GPR158: variants seen among roughly 807,000 people sequenced by gnomAD.
GPR158 encodes the protein G protein-coupled receptor 158.
Under a neutral mutation model 78.2 loss-of-function variants are expected in GPR158, and 30 were observed. The ratio of observed to expected loss-of-function variants is 0.38; its 90% CI spans 0.29 to 0.52. The LOEUF (loss-of-function observed/expected upper bound fraction) is 0.52, where lower values mean the gene tolerates loss of function less well. Among genes scored for constraint, GPR158 ranks in the 20% least tolerant of loss-of-function variants. The probability of loss-of-function intolerance (pLI) is 0.83; values close to 1 mark genes in which losing one functional copy is unlikely to be tolerated. For missense variants in GPR158, 1,463 were observed against 1,523.5 expected (o/e 0.96, Z 0.66); for synonymous variants, 581 against 591.1 (o/e 0.98, Z 0.25).
intron 2 of GPR158, among the ~76,000 whole-genome samples, chr10:25,272,331 A>T (rs1270916225): frequency 1.3e-5 from 2 of 152,186 alleles, no homozygotes; most frequent in African/African-American, 4.8e-5. Context: ...TTCTTAATGA[A>T]AGAAAATTTT....
intron 2 of GPR158, among the ~76,000 whole-genome samples, chr10:25,260,491 T>G (rs151274470): frequency 6.0e-4 from 91 of 152,214 alleles, no homozygotes; most frequent in African/African-American, 2.0e-3. Flanking sequence ...TTAATATGAA[T>G]TTTTACATAT....
intron 2 of GPR158, among the ~76,000 whole-genome samples, chr10:25,374,259 T>TA (rs1482459932): frequency 1.3e-5 from 2 of 151,442 alleles, no homozygotes; most frequent in South Asian, 2.1e-4. Flanking sequence ...TAGTTTTTTT[T>TA]ATAATAATTA....
chr10:25,564,191 A>G (rs1178015826), intron 6 of GPR158, among the ~76,000 whole-genome samples: 4 of 152,240 alleles, frequency 2.6e-5, no homozygotes, highest in African/African-American at 9.6e-5. Context: ...TTTGCAGATG[A>G]ACTGCATGTT....
intron 2 of GPR158, among the ~76,000 whole-genome samples, chr10:25,374,294 A>G (rs1343142768): frequency 2.0e-5 from 3 of 151,498 alleles, no homozygotes; most frequent in East Asian, 3.9e-4. Flanking sequence ...GTTGCAGAAG[A>G]TATAGAGGGA....
chr10:25,423,619 A>C (rs1834783404), intron 4 of GPR158, among the ~76,000 whole-genome samples: 1 of 152,136 alleles, frequency 6.6e-6, no homozygotes, highest in South Asian at 2.1e-4. Flanking sequence ...CCCACCTATG[A>C]GTAAGAACAT....
At chr10:25,381,890 T>A (rs1352155610) in intron 2 of GPR158, among the ~76,000 whole-genome samples, 2 of 152,178 alleles carry the variant, frequency 1.3e-5, no homozygotes, top group Non-Finnish European at 2.9e-5. Flanking sequence ...GTAAAGCACA[T>A]TTATAACAGG....
chr10:25,436,498 C>T (rs1474337289), intron 4 of GPR158, among the ~76,000 whole-genome samples: 2 of 152,168 alleles, frequency 1.3e-5, no homozygotes, highest in Non-Finnish European at 2.9e-5. Context: ...GAGCTGAACT[C>T]TTTAACATTT....
rs1384202247 is a variant in GPR158 at position 25,598,022 on chromosome 10, C to T, written c.2396C>T (p.Thr799Ile). ...RKNPPESSGN[T>I]GKSKEETLKN... is the part of the protein sequence containing the mutation. ...AACCCCCCAGAGTCTTCAGGGAACA[C>T]AGGGAAATCCAAGGAGGAGACCCTG... The change falls in exon 11 of 11, where the codon ACA (threonine) becomes ATA (isoleucine). Residue 799 changes from threonine to isoleucine, a missense_variant. Physicochemically the swap from Thr to Ile is moderately conservative, Grantham distance 89. Coordinates refer to ENST00000376351, the MANE Select transcript of GPR158 (RefSeq NM_020752.3). 1.2e-6 allele frequency: 2 copies of T among 1,613,982 alleles called. No homozygotes were observed. Among genetic ancestry groups the T allele is most frequent in the African/African-American group, 2.7e-5 (2 of 74,924 alleles).
At chr10:25,373,869 C>T (rs1834038975) in intron 2 of GPR158, among the ~76,000 whole-genome samples, 1 of 151,482 alleles carries the variant, frequency 6.6e-6, no homozygotes, top group African/African-American at 2.4e-5. Flanking sequence ...TTTATAAATC[C>T]AATTTATACA....
chr10:25,298,177 T>C (rs893852673), intron 2 of GPR158, among the ~76,000 whole-genome samples: 1 of 152,232 alleles, frequency 6.6e-6, no homozygotes, highest in African/African-American at 2.4e-5. Flanking sequence ...AGCTGTGTTG[T>C]AAGGCTTAAT....
intron 1 of GPR158, among the ~76,000 whole-genome samples, chr10:25,206,534 C>T (rs924583258): frequency 1.3e-5 from 2 of 151,864 alleles, no homozygotes; most frequent in Non-Finnish European, 2.9e-5. Flanking sequence ...TTCTAATCAC[C>T]CACAATCTTA....
intron 7 of GPR158, among the ~76,000 whole-genome samples, chr10:25,579,037 T>G (rs1197612055): frequency 6.7e-6 from 1 of 149,060 alleles, no homozygotes; most frequent in East Asian, 2.0e-4. Context: ...AATAAAAAAA[T>G]AAAGATTAAA....
intron 1 of GPR158, among the ~76,000 whole-genome samples, chr10:25,205,122 G>A (rs930731377): frequency 6.6e-6 from 1 of 151,992 alleles, no homozygotes; most frequent in African/African-American, 2.4e-5. Flanking sequence ...CACTATGATT[G>A]TGAGGCCTCC....
At chr10:25,456,319 C>T (rs1386041243) in intron 4 of GPR158, among the ~76,000 whole-genome samples, 1 of 152,126 alleles carries the variant, frequency 6.6e-6, no homozygotes, top group Non-Finnish European at 1.5e-5. Flanking sequence ...ATAACAAGTC[C>T]TGGAATGTTT....
At chr10:25,415,755 C>A (rs1472992540) in intron 4 of GPR158, among the ~76,000 whole-genome samples, 2 of 151,980 alleles carry the variant, frequency 1.3e-5, no homozygotes, top group African/African-American at 4.8e-5. Flanking sequence ...TTACAAAAGA[C>A]CACATATTGT....
intron 2 of GPR158, among the ~76,000 whole-genome samples, chr10:25,329,286 A>G (rs1323223795): frequency 3.3e-5 from 5 of 151,904 alleles, no homozygotes; most frequent in Non-Finnish European, 7.4e-5. Flanking sequence ...AATACAAAAA[A>G]AAAATTAGCC....
At chr10:25,412,119 A>G in intron 3 of GPR158, 131 bp from the exon 4 acceptor site, 1 of 678,078 alleles carries the variant, frequency 1.5e-6, no homozygotes, top group Non-Finnish European at 2.7e-6. Flanking sequence ...TTCCCCTAGC[A>G]AGAGGGTTGA....
At chr10:25,449,529 C>T (rs1384039364) in intron 4 of GPR158, among the ~76,000 whole-genome samples, 1 of 152,162 alleles carries the variant, frequency 6.6e-6, no homozygotes, top group Non-Finnish European at 1.5e-5. Context: ...TGGGGAACAT[C>T]ACCCAATGTG....
At chr10:25,332,121 G>A in intron 2 of GPR158, among the ~76,000 whole-genome samples, 1 of 152,104 alleles carries the variant, frequency 6.6e-6, no homozygotes, top group Non-Finnish European at 1.5e-5. Flanking sequence ...ACCTGGGGGG[G>A]GGCGAATACA....
Sources: allele counts gnomAD v4.1 joint callset (sites outside exome capture counted in the v4.1 genomes callset), GRCh38; gene constraint gnomAD v4.1.1; transcripts MANE v1.5; gene names NCBI Gene and HGNC (gene_info 2026-07-23, HGNC 2026-07-21).